QKI: variants seen among roughly 807,000 people sequenced by gnomAD.
The protein encoded by QKI is KH domain-containing RNA-binding protein QKI.
A neutral mutation model predicts 39.0 loss-of-function variants in QKI; 10 were observed. The observed-to-expected ratio is 0.26, with a 90% confidence interval of 0.16 to 0.43. The LOEUF is 0.43. QKI is among the 20% of genes least tolerant of loss of function. QKI has a pLI of 1.00. For synonymous variants in QKI, 204 were observed against 155.4 expected (o/e 1.31, Z -2.33); for missense variants, 218 against 428.0 (o/e 0.51, Z 4.33).
chr6:163,436,063 G>C (rs1417275956), intron 1 of QKI, among the ~76,000 whole-genome samples: 1 of 152,146 alleles, frequency 6.6e-6, no homozygotes, highest in Non-Finnish European at 1.5e-5. Flanking sequence ...TGAGATGCCT[G>C]TTCTGTCCCG....
At chr6:163,478,641 AG>A in intron 2 of QKI, 138 bp from the exon 3 acceptor site, 1 of 612,116 alleles carries the variant, frequency 1.6e-6, no homozygotes, top group Non-Finnish European at 2.9e-6. Context: ...GAAATTCATA[AG>A]GGCTCTAGAT....
intron 1 of QKI, among the ~76,000 whole-genome samples, chr6:163,419,321 G>T (rs1195715750): frequency 6.6e-5 from 10 of 150,732 alleles, no homozygotes; most frequent in East Asian, 1.9e-4. Context: ...TTTTTCCTGA[G>T]AATTCATTTA....
At chr6:163,446,113 GT>G (rs1258725289) in intron 1 of QKI, among the ~76,000 whole-genome samples, 1 of 151,992 alleles carries the variant, frequency 6.6e-6, no homozygotes, top group African/African-American at 2.4e-5. Flanking sequence ...AATGATTTTT[GT>G]TTGCATTGAT....
chr6:163,447,078 C>T (rs1055709555), intron 1 of QKI, among the ~76,000 whole-genome samples: 8 of 152,014 alleles, frequency 5.3e-5, no homozygotes, highest in Non-Finnish European at 8.8e-5. Flanking sequence ...CTCTAATTAC[C>T]GTTTCTTAAA....
chr6:163,564,174 G>A (rs990084369), intron 6 of QKI: 2 of 1,020,254 alleles, frequency 2.0e-6, no homozygotes, highest in Non-Finnish European at 1.2e-6. Context: ...ATTATTGTGT[G>A]TGTTTTGTAA....
Position 163,560,870 on chromosome 6 carries a change from A to G in QKI, c.547-1112A>G, listed in dbSNP as rs545654838. 9.8e-5 allele frequency among the ~76,000 whole-genome samples: 15 copies of G among 152,332 alleles called. 2 individuals are homozygous for G. In the South Asian group the frequency reaches 3.1e-3, roughly 32 times the overall value. On this transcript the variant is annotated intron_variant, in intron 4 of 7. Transcript: ENST00000361752. ...TTTTAGTAGTTTGGGTGCTATGCCA[A>G]AAACAACTGGAACAGTAAATGGAAA...
intron 4 of QKI, among the ~76,000 whole-genome samples, chr6:163,554,821 T>A (rs896423393): frequency 3.3e-5 from 5 of 152,236 alleles, no homozygotes; most frequent in Non-Finnish European, 7.3e-5. Context: ...GTTCATCCTC[T>A]CTGTTGCCTG....
At chr6:163,539,015 T>C (rs1383786141) in intron 4 of QKI, among the ~76,000 whole-genome samples, 1 of 152,210 alleles carries the variant, frequency 6.6e-6, no homozygotes, top group Non-Finnish European at 1.5e-5. Flanking sequence ...CCTAGAATTA[T>C]GTAGAATTAA....
At chr6:163,473,078 C>T (rs567056892) in intron 2 of QKI, among the ~76,000 whole-genome samples, 5 of 152,282 alleles carry the variant, frequency 3.3e-5, no homozygotes, top group African/African-American at 1.2e-4. Context: ...GCTATCTCTA[C>T]ATTATAATAA....
intron 3 of QKI, among the ~76,000 whole-genome samples, chr6:163,524,760 C>T (rs558337515): frequency 2.0e-5 from 3 of 152,310 alleles, no homozygotes; most frequent in Admixed American, 1.3e-4. Context: ...AACCACCACG[C>T]CCGGCCTTCT....
At chr6:163,543,764 C>A (rs890204233) in intron 4 of QKI, among the ~76,000 whole-genome samples, 1 of 151,958 alleles carries the variant, frequency 6.6e-6, no homozygotes, top group Non-Finnish European at 1.5e-5. Flanking sequence ...TCAGCTTATT[C>A]AGGCTTGTTT....
chr6:163,468,597 A>G (rs1034399912), intron 2 of QKI, among the ~76,000 whole-genome samples: 6 of 152,200 alleles, frequency 3.9e-5, no homozygotes, highest in Non-Finnish European at 8.8e-5. Context: ...TTGTTGTTAA[A>G]CCTCTTCTTT....
chr6:163,468,375 G>T (rs1019436392), intron 2 of QKI, among the ~76,000 whole-genome samples: 1 of 152,126 alleles, frequency 6.6e-6, no homozygotes, highest in African/African-American at 2.4e-5. Context: ...CACTTTATCA[G>T]TTCTTAGAAG....
intron 7 of QKI, chr6:163,567,779 A>G: frequency 8.1e-6 from 8 of 985,164 alleles, no homozygotes; most frequent in Non-Finnish European, 9.6e-6. Flanking sequence ...CTACAAATTA[A>G]ATTGATCAAA....
rs1211562277 is a variant in QKI, at chr6:163,561,983, CAGA to C, written c.551_553del (p.Glu184del). On this transcript the variant is annotated inframe_deletion and splice_region_variant, in exon 5 of 8. Coordinates refer to ENST00000361752, the MANE Select transcript of QKI (RefSeq NM_006775.3). ...ATCTCATGTGTTTTCCATGTATAGG[CAGA>C]AGGAGAAGACAGCCTGAAGAAGATG... The C allele has an allele frequency of 6.2e-7, 1 of 1,611,812 alleles. No individual in the cohort carries two copies. The highest frequency in any genetic ancestry group is 2.2e-5 in the East Asian group (1 of 44,790).
intron 3 of QKI, among the ~76,000 whole-genome samples, chr6:163,504,167 T>C (rs1778955021): frequency 6.6e-6 from 1 of 152,182 alleles, no homozygotes; most frequent in South Asian, 2.1e-4. Context: ...TCTGTCAAAA[T>C]TCAGATGGCT....
Position 163,463,570 on chromosome 6 carries a change from A to T in QKI, c.285+8149A>T, listed in dbSNP as rs763944723. Among the ~76,000 whole-genome samples the T allele has an allele frequency of 1.5e-4, 23 of 152,234 alleles. 1 individual carries two copies. Among genetic ancestry groups the T allele is most frequent in the Non-Finnish European group, 2.6e-4 (18 of 68,026 alleles). On this transcript the variant is annotated intron_variant, in intron 2 of 7. Coordinates refer to ENST00000361752, the MANE Select transcript of QKI (RefSeq NM_006775.3). ...AAAATTTGAAATCTGTGGTATGCGA[A>T]TTAGGATATCCTAAATTACGGTGTA...
chr6:163,418,878 TA>T (rs573218866), intron 1 of QKI, among the ~76,000 whole-genome samples: 504 of 152,266 alleles, frequency 3.3e-3, no homozygotes, highest in Middle Eastern at 6.8e-3. Flanking sequence ...AATCCTGTAT[TA>T]GGGGAAAATG....
At chr6:163,549,096 A>G (rs1462955433) in intron 4 of QKI, among the ~76,000 whole-genome samples, 1 of 152,148 alleles carries the variant, frequency 6.6e-6, no homozygotes, top group Non-Finnish European at 1.5e-5. Context: ...GCCTTAGGCA[A>G]CTTACAATCA....
Sources: gnomAD v4.1 joint callset for allele counts (sites outside exome capture counted in the v4.1 genomes callset) on GRCh38, gnomAD v4.1.1 for gene constraint, MANE v1.5 for transcripts, NCBI Gene and HGNC (gene_info 2026-07-23, HGNC 2026-07-21) for gene names.